The following SDK2 variants were observed in gnomAD, a reference collection of about 807,000 sequenced individuals.
The protein encoded by SDK2 is sidekick cell adhesion molecule 2.
SDK2 carries 105 observed loss-of-function variants against 253.9 expected under a neutral mutation model. The ratio of observed to expected loss-of-function variants is 0.41; its 90% CI spans 0.35 to 0.49. SDK2 has a LOEUF of 0.49. Ranked by LOEUF, SDK2 falls within the 20% of genes least tolerant of loss-of-function variation. The pLI is 0.06. For synonymous variants in SDK2, 1,249 were observed against 1,234.9 expected (o/e 1.01, Z -0.24); for missense variants, 2,608 against 3,003.0 (o/e 0.87, Z 3.07).
intron 16 of SDK2, 77 bp from the exon 17 acceptor site, chr17:73,416,069 G>A (rs1170147174): frequency 1.4e-6 from 2 of 1,382,274 alleles, no homozygotes; most frequent in Admixed American, 4.1e-5. Context: ...GTCCAGAGCA[G>A]CGCTGTCCAA....
intron 3 of SDK2, among the ~76,000 whole-genome samples, chr17:73,469,510 G>A (rs2063628707): frequency 6.6e-6 from 1 of 152,238 alleles, no homozygotes. Context: ...CTTCTCTGCA[G>A]CACCTAGGAA....
At chr17:73,396,139 A>T (rs913263592) in intron 24 of SDK2, among the ~76,000 whole-genome samples, 12 of 152,146 alleles carry the variant, frequency 7.9e-5, no homozygotes, top group African/African-American at 2.9e-4. Context: ...TCGGCCTCCC[A>T]AAGTGCTGGG....
At chr17:73,432,568 G>A (rs987729253) in intron 10 of SDK2, among the ~76,000 whole-genome samples, 1 of 152,094 alleles carries the variant, frequency 6.6e-6, no homozygotes, top group African/African-American at 2.4e-5. Context: ...AGACGGCAGT[G>A]GACAAAACCG....
chr17:73,623,079 A>G (rs1382403813), intron 1 of SDK2, among the ~76,000 whole-genome samples: 4 of 152,198 alleles, frequency 2.6e-5, no homozygotes, highest in Admixed American at 6.5e-5. Context: ...CAAATGTCCC[A>G]TCTTCCTTAA....
At chr17:73,514,047 A>C (rs2064002752) in intron 1 of SDK2, among the ~76,000 whole-genome samples, 1 of 152,226 alleles carries the variant, frequency 6.6e-6, no homozygotes, top group South Asian at 2.1e-4. Context: ...TGTGGACCAC[A>C]GGTATGAATT....
Position 73,379,201 on chromosome 17 carries a change from C to G in SDK2, c.4956G>C (p.Gln1652His). The change falls in exon 36 of 45, where the codon CAG becomes CAC. Residue 1652 changes from glutamine (Q) to histidine (H), a missense_variant. Around this residue, in one of 2 missense-constraint regions of SDK2, gnomAD observed 1,103 missense variants for 1,143.9 expected, o/e 0.96. Transcript: ENST00000392650. The surrounding 1 kb of genome is among the most constrained non-coding windows in gnomAD (Gnocchi z 4.5). ...VTWEPPPLDS[Q>H]NGDIQGYKIY... ...CCTTGTACCCCTGGATGTCTCCATT[C>G]TGGCTGTCCAGCGGAGGTGGCTCCC... 6.4e-7 allele frequency: 1 copy of G among 1,558,584 alleles called. No homozygotes were observed. Among genetic ancestry groups the G allele is most frequent in the South Asian group, 1.2e-5 (1 of 84,454 alleles).
intron 12 of SDK2, among the ~76,000 whole-genome samples, chr17:73,428,355 C>T (rs1315928137): frequency 1.3e-5 from 2 of 152,126 alleles, no homozygotes; most frequent in African/African-American, 2.4e-5. Flanking sequence ...TGAGGCACGG[C>T]GCCTGGCCAG....
At position 73,609,972 on chromosome 17, in the gene SDK2, A is replaced by C. The variant is rs2045953121; in HGVS notation, c.64+34053T>G. Reference sequence around the variant, plus strand: ...GTGCGGAGCTCAGCCAGGCAGCTGCACGGGAAACAGGTGTCCTGCTGAACA... The same window carrying C: ...GTGCGGAGCTCAGCCAGGCAGCTGCCCGGGAAACAGGTGTCCTGCTGAACA... On this transcript the variant is annotated intron_variant, in intron 1 of 44. Transcript: ENST00000392650. This position sits in a 1 kb window ranked among gnomAD's most constrained non-coding sequence, Gnocchi z 4.4. Among the ~76,000 whole-genome samples, 1 of 152,232 alleles carries C rather than the reference A, an allele frequency of 6.6e-6. No homozygotes were observed. The highest frequency in any genetic ancestry group is 1.9e-4 in the East Asian group (1 of 5,188).
At chr17:73,398,288 C>T (rs374854161) in intron 23 of SDK2, 32 bp downstream of exon 23, 37 of 1,608,952 alleles carry the variant, frequency 2.3e-5, no homozygotes, top group Non-Finnish European at 3.1e-5. Context: ...AGCCCTGAGG[C>T]TGCTGCCTTC....
chr17:73,386,696 G>A (rs1204924507), intron 30 of SDK2, 148 bp from the exon 31 acceptor site: 1 of 624,258 alleles, frequency 1.6e-6, no homozygotes, highest in African/African-American at 1.8e-5. Flanking sequence ...CTGAGGCTCA[G>A]AAAGGAGCTT....
chr17:73,529,331 C>T (rs1366084632), intron 1 of SDK2, among the ~76,000 whole-genome samples: 2 of 152,116 alleles, frequency 1.3e-5, no homozygotes, highest in African/African-American at 4.8e-5. Flanking sequence ...GGAAAGGCCA[C>T]CTTAGCCCTC....
chr17:73,590,610 T>C (rs1326127874), intron 1 of SDK2, among the ~76,000 whole-genome samples: 2 of 152,104 alleles, frequency 1.3e-5, no homozygotes, highest in African/African-American at 4.8e-5. Flanking sequence ...ACGCACCTGA[T>C]TGTGTGTTCT....
intron 1 of SDK2, among the ~76,000 whole-genome samples, chr17:73,536,075 G>C (rs139016179): frequency 1.7e-4 from 26 of 152,064 alleles, no homozygotes; most frequent in African/African-American, 6.0e-4. Flanking sequence ...CAATTTCCCC[G>C]CCCTGCAGTT....
chr17:73,372,773 CA>C (rs760562480), intron 36 of SDK2, among the ~76,000 whole-genome samples: 2 of 151,910 alleles, frequency 1.3e-5, no homozygotes, highest in African/African-American at 2.4e-5. Context: ...AATCAAAAAA[CA>C]AAAAAACCCC....
rs147946790 is a variant in SDK2 at position 73,593,489 on chromosome 17, C to T, written c.64+50536G>A. Among the ~76,000 whole-genome samples, 3 of 152,296 alleles carry T rather than the reference C, an allele frequency of 2.0e-5. No homozygotes were observed. In the East Asian group the frequency reaches 5.8e-4, roughly 29 times the overall value. ...CATGCGCTCTGGGCCCTGGGGTAAC[C>T]TGGACAACATTTGCCTCTAAGGGAC... On this transcript the variant is annotated intron_variant, in intron 1 of 44. Coordinates refer to ENST00000392650, the MANE Select transcript of SDK2 (RefSeq NM_001144952.2).
chr17:73,436,452 C>T (rs1399191908), intron 8 of SDK2, among the ~76,000 whole-genome samples: 1 of 152,032 alleles, frequency 6.6e-6, no homozygotes, highest in Non-Finnish European at 1.5e-5. Flanking sequence ...TGATGCATGC[C>T]TGTAATCCCA....
chr17:73,353,681 G>A (rs899971433), intron 40 of SDK2, among the ~76,000 whole-genome samples: 2 of 148,344 alleles, frequency 1.3e-5, no homozygotes, highest in Non-Finnish European at 3.0e-5. Context: ...TTACAGGTGT[G>A]AGCCACTGTG....
chr17:73,605,819 C>T (rs911931526), intron 1 of SDK2, among the ~76,000 whole-genome samples: 6 of 152,156 alleles, frequency 3.9e-5, no homozygotes, highest in African/African-American at 1.4e-4. Flanking sequence ...ACGTAATAAG[C>T]GCTCAAAATG....
chr17:73,428,479 G>A (rs145839224), intron 12 of SDK2, among the ~76,000 whole-genome samples: 27 of 152,190 alleles, frequency 1.8e-4, no homozygotes, highest in Non-Finnish European at 2.6e-4. Context: ...AGGATTCAGC[G>A]GCACCACTTT....
Sources: allele counts gnomAD v4.1 joint callset (sites outside exome capture counted in the v4.1 genomes callset), GRCh38; gene constraint gnomAD v4.1.1; regional missense constraint gnomAD v4.1.1; non-coding constraint Gnocchi (gnomAD v3.1); transcripts MANE v1.5; gene names NCBI Gene and HGNC (gene_info 2026-07-23, HGNC 2026-07-21).